ZFHX3: variants seen among roughly 807,000 people sequenced by gnomAD.
The protein encoded by ZFHX3 is zinc finger homeobox 3.
In ZFHX3, 42 loss-of-function variants were observed where a neutral mutation model predicts 279.1. That is an observed-to-expected ratio of 0.15 (90% CI 0.12 to 0.19). The LOEUF (loss-of-function observed/expected upper bound fraction) is 0.19, where lower values mean the gene tolerates loss of function less well. Ranked by LOEUF, ZFHX3 falls within the 10% of genes least tolerant of loss-of-function variation. The pLI is 1.00. For synonymous variants in ZFHX3, 2,293 were observed against 1,957.8 expected (o/e 1.17, Z -4.52); for missense variants, 4,981 against 4,754.0 (o/e 1.05, Z -1.40).
At chr16:72,901,130 G>A (rs553070426) in intron 3 of ZFHX3, among the ~76,000 whole-genome samples, 9 of 152,214 alleles carry the variant, frequency 5.9e-5, no homozygotes, top group Admixed American at 2.0e-4. Flanking sequence ...ACCTGCACTC[G>A]AAAATTTCCC....
intron 5 of ZFHX3, among the ~76,000 whole-genome samples, chr16:73,224,816 G>T (rs571104727): frequency 6.6e-6 from 1 of 152,106 alleles, no homozygotes; most frequent in African/African-American, 2.4e-5. Context: ...GTTGCTTGAC[G>T]TGAACACAGA....
intron 1 of ZFHX3, among the ~76,000 whole-genome samples, chr16:73,823,843 CTT>C (rs1960820918): frequency 6.6e-6 from 1 of 152,206 alleles, no homozygotes; most frequent in Non-Finnish European, 1.5e-5. Context: ...AAGAAACAAA[CTT>C]GAGCATGTCT....
chr16:73,242,110 G>A (rs1397191883), intron 5 of ZFHX3, among the ~76,000 whole-genome samples: 1 of 152,112 alleles, frequency 6.6e-6, no homozygotes, highest in Non-Finnish European at 1.5e-5. Flanking sequence ...GACTTTTTGG[G>A]CATATTCATG....
chr16:73,394,723 A>G (rs1374008595), intron 3 of ZFHX3, among the ~76,000 whole-genome samples: 1 of 152,256 alleles, frequency 6.6e-6, no homozygotes, highest in Non-Finnish European at 1.5e-5. Context: ...CCTAGATTTT[A>G]TATTAATTGA....
intron 3 of ZFHX3, among the ~76,000 whole-genome samples, chr16:73,402,686 G>C (rs570832375): frequency 6.6e-6 from 1 of 152,282 alleles, no homozygotes; most frequent in African/African-American, 2.4e-5. Context: ...ATAAGAGTTT[G>C]TCAATCCAAT....
chr16:73,113,546 A>T (rs1471550878), intron 7 of ZFHX3, among the ~76,000 whole-genome samples: 1 of 152,212 alleles, frequency 6.6e-6, no homozygotes, highest in African/African-American at 2.4e-5. Context: ...AATTACAATT[A>T]TGCAAGAATC....
At chr16:73,547,470 G>A (rs913416772) in intron 2 of ZFHX3, among the ~76,000 whole-genome samples, 1 of 152,136 alleles carries the variant, frequency 6.6e-6, no homozygotes, top group African/African-American at 2.4e-5. Context: ...TTTAGTTCCA[G>A]GGACAGGAAG....
At chr16:73,876,494 G>A (rs912219709) in intron 1 of ZFHX3, among the ~76,000 whole-genome samples, 1 of 152,192 alleles carries the variant, frequency 6.6e-6, no homozygotes, top group Non-Finnish European at 1.5e-5. Flanking sequence ...TGGGGTATAT[G>A]TGTGTATCCT....
At chr16:72,892,962 G>A (rs1353974317) in intron 3 of ZFHX3, among the ~76,000 whole-genome samples, 2 of 152,168 alleles carry the variant, frequency 1.3e-5, no homozygotes, top group Non-Finnish European at 2.9e-5. Context: ...GGGAGAAGAT[G>A]AGCTAGCCCA....
chr16:73,127,543 C>G (rs1313342918), intron 7 of ZFHX3: 1 of 1,305,360 alleles, frequency 7.7e-7, no homozygotes, highest in African/African-American at 1.5e-5. Flanking sequence ...AGATGGGAGG[C>G]TTTGGGCTCA....
At chr16:73,298,522 C>G (rs1047721354) in intron 4 of ZFHX3, among the ~76,000 whole-genome samples, 2 of 121,596 alleles carry the variant, frequency 1.6e-5, no homozygotes, top group Admixed American at 1.7e-4. Flanking sequence ...TTTTTCACTT[C>G]TTTAATCAAC....
chr16:73,779,811 A>C lies in ZFHX3; in HGVS notation c.-1607-99571T>G, dbSNP rs565676937. On this transcript the variant is annotated intron_variant, in intron 1 of 17. Transcript: ENST00000641206. ...CGGCTCAATGCAACCTCCAACTCCC[A>C]GGATTTAGCAACTCTCCTGCCTCAG... 1.1e-3 allele frequency among the ~76,000 whole-genome samples: 166 copies of C among 152,188 alleles called. 1 individual carries two copies. Among genetic ancestry groups the C allele is most frequent in the African/African-American group, 3.9e-3 (161 of 41,538 alleles).
intron 2 of ZFHX3, among the ~76,000 whole-genome samples, chr16:73,530,090 T>A (rs777721316): frequency 2.6e-5 from 4 of 152,100 alleles, no homozygotes; most frequent in Non-Finnish European, 4.4e-5. Context: ...GGTTTAATGG[T>A]CTCACAGTTC....
In ZFHX3 at chr16:72,909,870, C is replaced by T. The variant is rs564445447; in HGVS notation, c.3217-19908G>A. Among the ~76,000 whole-genome samples the T allele has an allele frequency of 1.8e-3, 184 of 104,432 alleles. 1 individual carries two copies. Among genetic ancestry groups the T allele is most frequent in the South Asian group, 0.015 (42 of 2,748 alleles). The allele number at this position is 104,432 out of a possible 152,430, so 68.5% of individuals were successfully genotyped here. A position where few individuals can be genotyped will look rare whatever the true frequency, so the allele number is the denominator to read the frequency against. ...TCTACCCTGGGTGACAAAGTGACAC[C>T]GTGTCTCAAAAAAAAAAAAAAAAAA... On this transcript the variant is annotated intron_variant, in intron 3 of 9. Transcript: ENST00000268489.
chr16:72,941,132 T>C lies in ZFHX3; in HGVS notation c.3216+9337A>G, dbSNP rs565624174. ...CCGAACCAGGCCTCCTGATGTCCAC[T>C]GTGTGACGCAAAGGCATTTCAATAA... is the stretch of plus-strand genomic sequence containing the variant. On this transcript the variant is annotated intron_variant, in intron 3 of 9. Transcript: ENST00000268489. 5.3e-5 allele frequency among the ~76,000 whole-genome samples: 8 copies of C among 152,308 alleles called. No homozygotes were observed. The South Asian group carries it at 1.7e-3, about 32-fold the overall frequency.
At chr16:73,075,639 T>G (rs1965879279) in intron 8 of ZFHX3, among the ~76,000 whole-genome samples, 1 of 142,314 alleles carries the variant, frequency 7.0e-6, no homozygotes, top group Non-Finnish European at 1.5e-5. Flanking sequence ...AATCAAAGAC[T>G]TTTTTTTTTT....
At position 73,782,435 on chromosome 16, in the gene ZFHX3, C is replaced by A. The variant is rs147904489; in HGVS notation, c.-1607-102195G>T. Among the ~76,000 whole-genome samples, 1,107 of 152,314 alleles carry A rather than the reference C, an allele frequency of 7.3e-3. 11 individuals are homozygous for A. Among genetic ancestry groups the A allele is most frequent in the Non-Finnish European group, 9.3e-3 (635 of 68,028 alleles). On this transcript the variant is annotated intron_variant, in intron 1 of 17. Coordinates refer to the ZFHX3 transcript ENST00000641206. ...GGCCCATTATCCCTGGAAGCCTACT[C>A]ATGAGCAGCTATTTAAGGTCCCTAA...
intron 1 of ZFHX3, among the ~76,000 whole-genome samples, chr16:73,693,965 A>G (rs2053172087): frequency 6.6e-6 from 1 of 152,024 alleles, no homozygotes; most frequent in Non-Finnish European, 1.5e-5. Context: ...CCAATTCTGG[A>G]CAAAGTTGTC....
At chr16:73,841,153 T>G (rs1295462750) in intron 1 of ZFHX3, among the ~76,000 whole-genome samples, 1 of 152,170 alleles carries the variant, frequency 6.6e-6, no homozygotes, top group Non-Finnish European at 1.5e-5. Context: ...TAGCAGAGAT[T>G]CACTCCCCTC....
Sources: allele counts gnomAD v4.1 joint callset (sites outside exome capture counted in the v4.1 genomes callset), GRCh38; gene constraint gnomAD v4.1.1; transcripts MANE v1.5; gene names NCBI Gene and HGNC (gene_info 2026-07-23, HGNC 2026-07-21).